RALGAPB: variants seen among roughly 807,000 people sequenced by gnomAD.
The protein encoded by RALGAPB is ral GTPase-activating protein subunit beta.
In RALGAPB, 25 loss-of-function variants were observed where a neutral mutation model predicts 161.1. The ratio of observed to expected loss-of-function variants is 0.16; its 90% confidence interval spans 0.11 to 0.22. The LOEUF is 0.22. Among genes scored for constraint, RALGAPB ranks in the 10% least tolerant of loss-of-function variants. The pLI is 1.00. For synonymous variants in RALGAPB, 629 were observed against 626.1 expected (o/e 1.00, Z -0.07); for missense variants, 1,391 against 1,815.2 (o/e 0.77, Z 4.25).
At chr20:38,521,777 G>C in intron 10 of RALGAPB, 79 bp downstream of exon 10, 1 of 1,431,364 alleles carries the variant, frequency 7.0e-7, no homozygotes, top group Non-Finnish European at 9.7e-7. Context: ...CTGAACCGAT[G>C]AGTGATGTTG....
At chr20:38,549,611 C>T (rs1266094663) in intron 20 of RALGAPB, among the ~76,000 whole-genome samples, 1 of 149,070 alleles carries the variant, frequency 6.7e-6, no homozygotes, top group Non-Finnish European at 1.5e-5. Flanking sequence ...CATATGTATG[C>T]TGTGTATAAT....
Position 38,516,338 on chromosome 20 carries a change from G to A in RALGAPB, c.1019G>A (p.Arg340His), listed in dbSNP as rs151316950. Reference sequence around the variant, plus strand: ...CCTCAAATATTTTTTCGTGCCATGCGTGGAATCAGCTGTCTGGTGGATGCA... The same window carrying A: ...CCTCAAATATTTTTTCGTGCCATGCATGGAATCAGCTGTCTGGTGGATGCA... Reference protein sequence around the residue: ...HLPQIFFRAMRGISCLVDAFL... With the variant: ...HLPQIFFRAMHGISCLVDAFL... Residue 340 changes from arginine to histidine, a missense_variant, in exon 7 of 30, where the codon CGT becomes CAT. Around this residue, in one of 3 missense-constraint regions of RALGAPB, gnomAD observed 946 missense variants for 1,257.2 expected, o/e 0.75. Transcript: ENST00000262879. 2.0e-5 allele frequency: 33 copies of A among 1,613,880 alleles called. No individual in the cohort carries two copies. The highest frequency in any genetic ancestry group is 8.0e-5 in the African/African-American group (6 of 75,046).
At chr20:38,573,103 C>T (rs1157001740) in intron 28 of RALGAPB, among the ~76,000 whole-genome samples, 1 of 147,958 alleles carries the variant, frequency 6.8e-6, no homozygotes, top group East Asian at 2.0e-4. Flanking sequence ...TTTAAAAAAA[C>T]AAAACAAAAC....
At chr20:38,486,264 C>T (rs557499161) in intron 1 of RALGAPB, among the ~76,000 whole-genome samples, 39 of 152,046 alleles carry the variant, frequency 2.6e-4, no homozygotes, top group Non-Finnish European at 3.5e-4. Flanking sequence ...TGAGTCACCA[C>T]GCCTGGCCTA....
At chr20:38,562,283 T>C (rs2087811455) in intron 23 of RALGAPB, among the ~76,000 whole-genome samples, 1 of 152,202 alleles carries the variant, frequency 6.6e-6, no homozygotes, top group Non-Finnish European at 1.5e-5. Context: ...ACAACCATTA[T>C]TATTATCTCT....
intron 2 of RALGAPB, among the ~76,000 whole-genome samples, chr20:38,491,105 C>G (rs942079634): frequency 6.6e-6 from 1 of 152,232 alleles, no homozygotes; most frequent in Non-Finnish European, 1.5e-5. Context: ...CTTCACTGTG[C>G]TGTTATAGGC....
At position 38,551,086 on chromosome 20, in the gene RALGAPB, C is replaced by T; in HGVS notation, c.3025C>T (p.Pro1009Ser). The T allele has an allele frequency of 6.2e-7, 1 of 1,613,864 alleles. No homozygotes were observed. Among genetic ancestry groups the T allele is most frequent in the East Asian group, 2.2e-5 (1 of 44,872 alleles). Reference protein sequence around the residue: ...KANQKLFVPEPRPVPKNDVGF... With the variant: ...KANQKLFVPESRPVPKNDVGF... ...GTTTTAACAGCTTTTTGTACCTGAA[C>T]CTCGCCCAGTTCCTAAAAATGACGT... The change falls in exon 21 of 30, where the codon CCT becomes TCT. Residue 1009 changes from proline (P) to serine (S), a missense_variant. Pro to Ser is a moderately conservative substitution (Grantham distance 74). This residue lies in a region of RALGAPB where 946 missense variants were observed against 1,257.2 expected (regional missense o/e 0.75). Transcript: ENST00000262879.
At chr20:38,540,103 C>T (rs2086922199) in intron 17 of RALGAPB, 145 bp downstream of exon 17, 1 of 668,590 alleles carries the variant, frequency 1.5e-6, no homozygotes, top group Non-Finnish European at 2.3e-6. Context: ...GAACACTTGT[C>T]CTTTTGGGTA....
intron 23 of RALGAPB, among the ~76,000 whole-genome samples, chr20:38,561,227 G>A (rs6070614): frequency 3.3e-5 from 5 of 152,242 alleles, no homozygotes; most frequent in Non-Finnish European, 7.3e-5. Context: ...GGGTGGCTGA[G>A]GCAGGAGAAT....
At chr20:38,485,627 C>T (rs1255942993) in intron 1 of RALGAPB, among the ~76,000 whole-genome samples, 1 of 151,952 alleles carries the variant, frequency 6.6e-6, no homozygotes, top group Non-Finnish European at 1.5e-5. Context: ...GGGTTTTGCC[C>T]TGTTGGCCAT....
At chr20:38,506,499 G>A (rs1359792810) in intron 5 of RALGAPB, among the ~76,000 whole-genome samples, 1 of 152,132 alleles carries the variant, frequency 6.6e-6, no homozygotes, top group African/African-American at 2.4e-5. Flanking sequence ...CCTCCATGTT[G>A]TCCAGGCTGG....
At chr20:38,480,824 G>A (rs1322462653) in intron 1 of RALGAPB, among the ~76,000 whole-genome samples, 17 of 128,964 alleles carry the variant, frequency 1.3e-4, no homozygotes, top group East Asian at 1.0e-3. Context: ...TGCAAGCTCC[G>A]CCTCCCAGGT....
In RALGAPB at chr20:38,553,876, A is replaced by G. The variant is rs1168338951; in HGVS notation, c.3172A>G (p.Arg1058Gly). 3 of 1,609,000 alleles carry G rather than the reference A, an allele frequency of 1.9e-6. No individual in the cohort carries two copies. The highest frequency in any genetic ancestry group is 2.6e-6 in the Non-Finnish European group (3 of 1,175,932). The change falls in exon 22 of 30, where the codon AGA (arginine) becomes GGA (glycine). Residue 1058 changes from arginine (R) to glycine (G), a missense_variant. This residue lies in a region of RALGAPB where 436 missense variants were observed against 527.0 expected (regional missense o/e 0.83). Coordinates refer to ENST00000262879, the MANE Select transcript of RALGAPB (RefSeq NM_020336.4). ...ATTTGGTTTATTACAGTTAGAAGAG[A>G]GACACGAAAAATTAAGGAGTGGCAT... ...HEIVTEELEE[R>G]HEKLRSGMAQ...
intron 1 of RALGAPB, among the ~76,000 whole-genome samples, chr20:38,480,277 A>G (rs6099872): frequency 0.073 from 10,989 of 149,920 alleles, 1,402 homozygotes; most frequent in African/African-American, 0.26. Flanking sequence ...CACCTTCTAC[A>G]TATAGCTTTC....
chr20:38,498,705 C>T (rs1009779791), intron 4 of RALGAPB, among the ~76,000 whole-genome samples: 2 of 152,218 alleles, frequency 1.3e-5, no homozygotes, highest in African/African-American at 4.8e-5. Context: ...CCAACTTTGC[C>T]TTCTGGAGCT....
At chr20:38,570,995 G>T (rs2088215548) in intron 28 of RALGAPB, 148 bp downstream of exon 28, 2 of 588,886 alleles carry the variant, frequency 3.4e-6, no homozygotes, top group Non-Finnish European at 5.8e-6. Context: ...TGTATACAAT[G>T]TACAAGGTTA....
chr20:38,559,152 A>G (rs2087699988), intron 23 of RALGAPB, among the ~76,000 whole-genome samples: 1 of 152,258 alleles, frequency 6.6e-6, no homozygotes, highest in African/African-American at 2.4e-5. Flanking sequence ...CAGATTCACA[A>G]GACAAAAGAA....
chr20:38,565,617 G>A (rs971888977), intron 25 of RALGAPB, 139 bp downstream of exon 25: 133 of 1,021,090 alleles, frequency 1.3e-4, no homozygotes, highest in Non-Finnish European at 1.8e-4. Flanking sequence ...ATATGCAGAA[G>A]CACAAGATGT....
At chr20:38,524,626 T>G in intron 10 of RALGAPB, 152 bp from the exon 11 acceptor site, 1 of 653,002 alleles carries the variant, frequency 1.5e-6, no homozygotes, top group South Asian at 2.0e-5. Flanking sequence ...GGTAAAATTC[T>G]AATAAATTCC....
Sources: allele counts gnomAD v4.1 joint callset (sites outside exome capture counted in the v4.1 genomes callset), GRCh38; gene constraint gnomAD v4.1.1; regional missense constraint gnomAD v4.1.1; transcripts MANE v1.5; gene names NCBI Gene and HGNC (gene_info 2026-07-23, HGNC 2026-07-21).